The following PLCL1 variants were observed in gnomAD, a reference collection of about 807,000 sequenced individuals.
The protein encoded by PLCL1 is phospholipase C like 1 (inactive).
In PLCL1, 41 loss-of-function variants were observed where a neutral mutation model predicts 84.4. That is an observed-to-expected ratio of 0.49 (90% CI 0.38 to 0.63). The LOEUF is 0.63. Among genes scored for constraint, PLCL1 ranks in the 30% least tolerant of loss-of-function variants. PLCL1 has a pLI of 0.00. For synonymous variants in PLCL1, 490 were observed against 488.3 expected, an observed-to-expected ratio of 1.00 and a Z score of -0.05; for missense variants, 1,206 against 1,367.8, an observed-to-expected ratio of 0.88 and a Z score of 1.87.
chr2:198,031,790 G>A (rs1013429777), intron 1 of PLCL1, among the ~76,000 whole-genome samples: 4 of 150,806 alleles, frequency 2.7e-5, no homozygotes, highest in Admixed American at 6.6e-5. Context: ...TATTTCATGG[G>A]TTCTCAATAA....
At chr2:197,847,875 T>C (rs1159270752) in intron 1 of PLCL1, among the ~76,000 whole-genome samples, 6 of 152,224 alleles carry the variant, frequency 3.9e-5, no homozygotes, top group Non-Finnish European at 8.8e-5. Flanking sequence ...AGCTTTCACA[T>C]GCAGCTTCAA....
chr2:197,824,713 C>CAAAAAAAA (rs1163183876), intron 1 of PLCL1, among the ~76,000 whole-genome samples: 1 of 55,542 alleles, frequency 1.8e-5, no homozygotes, highest in Non-Finnish European at 3.8e-5. Flanking sequence ...GACCCTGTCT[C>CAAAAAAAA]AAAAAAAAAA....
chr2:197,964,130 T>A (rs1472587278), intron 1 of PLCL1, among the ~76,000 whole-genome samples: 1 of 152,158 alleles, frequency 6.6e-6, no homozygotes, highest in Non-Finnish European at 1.5e-5. Flanking sequence ...TTTCTCTCTG[T>A]GAAGAATGTC....
At chr2:197,810,811 T>A (rs1690570128) in intron 1 of PLCL1, among the ~76,000 whole-genome samples, 3 of 152,176 alleles carry the variant, frequency 2.0e-5, no homozygotes, top group Non-Finnish European at 4.4e-5. Flanking sequence ...CTGTGAATAT[T>A]AAAAATAACT....
chr2:197,804,958 G>GCCGCCA lies in PLCL1; in HGVS notation c.-137_-136insACCGCC. The GCCGCCA allele has an allele frequency of 9.4e-7, 1 of 1,065,914 alleles. No homozygotes were observed. The allele number at this position is 1,065,914 out of a possible 1,614,324, so 66.0% of individuals were successfully genotyped here. A position where few individuals can be genotyped will look rare whatever the true frequency, so the allele number is the denominator to read the frequency against. Reference sequence around the variant, plus strand: ...CCAGAAAGTTGCCGCCGCCGCCGCCGCCGCCGCCACTGCCGCCGCTGGGCG... The same window carrying GCCGCCA: ...CCAGAAAGTTGCCGCCGCCGCCGCCGCCGCCACCGCCGCCACTGCCGCCGCTGGGCG... On this transcript the variant is annotated 5_prime_UTR_variant, in exon 1 of 6. Transcript: ENST00000428675.
intron 1 of PLCL1, among the ~76,000 whole-genome samples, chr2:197,997,441 T>C (rs1458858075): frequency 6.6e-6 from 1 of 152,236 alleles, no homozygotes; most frequent in East Asian, 1.9e-4. Flanking sequence ...GTGATGACTA[T>C]GTTATCATAA....
intron 5 of PLCL1, among the ~76,000 whole-genome samples, chr2:198,138,138 G>A (rs777579557): frequency 1.1e-4 from 16 of 152,150 alleles, no homozygotes; most frequent in Non-Finnish European, 2.1e-4. Context: ...AAAGAACTAC[G>A]TGAAACTGGG....
intron 1 of PLCL1, among the ~76,000 whole-genome samples, chr2:197,854,951 C>G (rs1687302397): frequency 6.6e-6 from 1 of 152,178 alleles, no homozygotes; most frequent in Non-Finnish European, 1.5e-5. Flanking sequence ...ATTTTTACAG[C>G]TTGTCCTGTG....
At chr2:197,813,450 T>C (rs574226668) in intron 1 of PLCL1, among the ~76,000 whole-genome samples, 1 of 152,238 alleles carries the variant, frequency 6.6e-6, no homozygotes. Flanking sequence ...TTTAGTAAAC[T>C]CCAGCTTTGA....
chr2:197,955,213 A>G (rs1477699469), intron 1 of PLCL1, among the ~76,000 whole-genome samples: 1 of 151,912 alleles, frequency 6.6e-6, no homozygotes. Context: ...GCAGACACTC[A>G]TCAGATAGAT....
At chr2:197,976,315 C>T (rs970167775) in intron 1 of PLCL1, among the ~76,000 whole-genome samples, 8 of 152,200 alleles carry the variant, frequency 5.3e-5, no homozygotes, top group Non-Finnish European at 1.0e-4. Context: ...CTAGAAGAGT[C>T]CACTTTTGCT....
chr2:197,914,156 C>T (rs550981774), intron 1 of PLCL1, among the ~76,000 whole-genome samples: 78 of 152,032 alleles, frequency 5.1e-4, no homozygotes, highest in Non-Finnish European at 9.7e-4. Context: ...ATTAGGGTAA[C>T]TGAAACACTT....
intron 1 of PLCL1, among the ~76,000 whole-genome samples, chr2:197,953,904 A>G (rs190070161): frequency 4.0e-4 from 60 of 151,496 alleles, no homozygotes; most frequent in African/African-American, 1.4e-3. Flanking sequence ...CTGAGTAGTC[A>G]CCAATGCCAC....
At chr2:197,832,573 A>G (rs1027601797) in intron 1 of PLCL1, among the ~76,000 whole-genome samples, 2 of 152,226 alleles carry the variant, frequency 1.3e-5, no homozygotes, top group Non-Finnish European at 2.9e-5. Flanking sequence ...TACCAGAGAT[A>G]CAAAGAGGAG....
chr2:198,091,862 T>C (rs1294869116), intron 3 of PLCL1, among the ~76,000 whole-genome samples: 1 of 152,122 alleles, frequency 6.6e-6, no homozygotes, highest in African/African-American at 2.4e-5. Flanking sequence ...CAAGGTCATT[T>C]ATGATTTGCC....
rs1322455156 is a variant in PLCL1, at chr2:198,009,825, T to C, written c.241-73933T>C. On this transcript the variant is annotated intron_variant, in intron 1 of 5. Coordinates refer to ENST00000428675, the MANE Select transcript of PLCL1 (RefSeq NM_006226.4). ...TCAACCCATGAGCATGGGATGTCTTTCCATTTACTTGTATCTTCTTTGATT... is the reference window on the plus strand; with the variant it reads ...TCAACCCATGAGCATGGGATGTCTTCCCATTTACTTGTATCTTCTTTGATT... 2.0e-5 allele frequency among the ~76,000 whole-genome samples: 3 copies of C among 152,182 alleles called. No individual in the cohort carries two copies. In the East Asian group the frequency reaches 5.8e-4, roughly 29 times the overall value.
intron 1 of PLCL1, among the ~76,000 whole-genome samples, chr2:197,887,494 A>T (rs1687944170): frequency 6.6e-6 from 1 of 152,214 alleles, no homozygotes; most frequent in Non-Finnish European, 1.5e-5. Flanking sequence ...GCCCTCAAAA[A>T]ACTTTTAACA....
At chr2:197,807,039 T>C (rs1009776552) in intron 1 of PLCL1, among the ~76,000 whole-genome samples, 8 of 152,194 alleles carry the variant, frequency 5.3e-5, no homozygotes, top group African/African-American at 1.4e-4. Flanking sequence ...ACTTGATTTT[T>C]CCCCTATTTA....
intron 5 of PLCL1, among the ~76,000 whole-genome samples, chr2:198,118,122 TA>T (rs1693787997): frequency 6.6e-6 from 1 of 151,956 alleles, no homozygotes; most frequent in African/African-American, 2.4e-5. Flanking sequence ...TTTGGTTAAC[TA>T]AATGTATTCT....
Sources: gnomAD v4.1 joint callset for allele counts (sites outside exome capture counted in the v4.1 genomes callset) on GRCh38, gnomAD v4.1.1 for gene constraint, MANE v1.5 for transcripts, NCBI Gene and HGNC (gene_info 2026-07-23, HGNC 2026-07-21) for gene names.